The following SPSB4 variants were observed in gnomAD, a reference collection of about 807,000 sequenced individuals.
SPSB4 encodes the protein splA/ryanodine receptor domain and SOCS box containing 4.
A neutral mutation model predicts 20.9 loss-of-function variants in SPSB4; 21 were observed. That is an observed-to-expected ratio of 1.01 (90% CI 0.71 to 1.45). SPSB4 has a LOEUF of 1.45. Ranked by LOEUF, SPSB4 falls within the 40% of genes most tolerant of loss-of-function variation. The pLI, the probability that SPSB4 is intolerant of heterozygous loss-of-function variation, is 0.00. For synonymous variants in SPSB4, 207 were observed against 183.8 expected (o/e 1.13, Z -1.02); for missense variants, 399 against 399.2 (o/e 1.00, Z 0.00).
intron 2 of SPSB4, among the ~76,000 whole-genome samples, chr3:141,120,191 A>C (rs1938944982): frequency 6.6e-6 from 1 of 152,180 alleles, no homozygotes; most frequent in East Asian, 1.9e-4. Flanking sequence ...GTCATTCAGG[A>C]GCAGGTTGTT....
chr3:141,138,915 G>C (rs1215351158), intron 2 of SPSB4, among the ~76,000 whole-genome samples: 1 of 152,126 alleles, frequency 6.6e-6, no homozygotes, highest in African/African-American at 2.4e-5. Flanking sequence ...TCGTTGATCT[G>C]TCTAATGTTG....
At position 141,066,307 on chromosome 3, in the gene SPSB4, A is replaced by G; in HGVS notation, c.203A>G (p.Lys68Arg). Residue 68 changes from lysine to arginine, a missense_variant, in exon 2 of 3, where the codon AAG becomes AGG. Physicochemically the swap from Lys to Arg is conservative, Grantham distance 26 (BLOSUM62 2). Transcript: ENST00000310546. ...PEDRSLNVFV[K>R]DDDRLTFHRH... The stretch of plus-strand genomic sequence containing the variant: ...GACCGCTCGCTCAACGTCTTCGTCA[A>G]GGACGACGACCGGCTCACCTTCCAC... The G allele has an allele frequency of 6.3e-7, 1 of 1,574,868 alleles. No individual in the cohort carries two copies. Among genetic ancestry groups the G allele is most frequent in the East Asian group, 2.4e-5 (1 of 41,976 alleles).
chr3:141,134,049 C>CCTTTTTTTTTTTTTTTTTTTTTTTT (rs1939183965), intron 2 of SPSB4, among the ~76,000 whole-genome samples: 1 of 63,898 alleles, frequency 1.6e-5, no homozygotes, highest in Non-Finnish European at 2.9e-5. Flanking sequence ...TTTTTTTTTT[C>CCTTTTTTTTTTTTTTTTTTTTTTTT]TTTTTTCTTT....
intron 2 of SPSB4, among the ~76,000 whole-genome samples, chr3:141,107,147 G>T (rs147225095): frequency 1.3e-5 from 2 of 152,272 alleles, no homozygotes; most frequent in East Asian, 3.9e-4. Context: ...GTTGGGATGG[G>T]GCAAAGCCTC....
chr3:141,093,186 A>C (rs1165352808), intron 2 of SPSB4, among the ~76,000 whole-genome samples: 4 of 152,112 alleles, frequency 2.6e-5, no homozygotes, highest in Non-Finnish European at 5.9e-5. Flanking sequence ...AGGGAGACGA[A>C]ATGGTTCTCT....
At chr3:141,107,775 G>A (rs1042350397) in intron 2 of SPSB4, among the ~76,000 whole-genome samples, 3 of 152,022 alleles carry the variant, frequency 2.0e-5, no homozygotes, top group African/African-American at 7.2e-5. Context: ...TGGGCAACAT[G>A]GTGAACTTTT....
intron 1 of SPSB4, among the ~76,000 whole-genome samples, chr3:141,053,946 G>T (rs1936138708): frequency 6.6e-6 from 1 of 151,914 alleles, no homozygotes; most frequent in South Asian, 2.1e-4. Context: ...CACCCTCCTA[G>T]CCTTCTTCCT....
rs556731071 is a variant in SPSB4, at chr3:141,140,552, C to T, written c.695-6590C>T. The stretch of plus-strand genomic sequence containing the variant: ...CTTTGTTAGTTTTCCTTCTAACAGA[C>T]AGGACCCTCAGCTGCAGGTCTGTTG... On this transcript the variant is annotated intron_variant, in intron 2 of 2. Coordinates refer to ENST00000310546, the MANE Select transcript of SPSB4 (RefSeq NM_080862.3). 1.5e-4 allele frequency among the ~76,000 whole-genome samples: 23 copies of T among 152,322 alleles called. No homozygotes were observed. The East Asian group carries it at 4.4e-3, about 29-fold the overall frequency.
Position 141,066,313 on chromosome 3 carries a change from A to T in SPSB4, c.209A>T (p.Asp70Val). The T allele has an allele frequency of 6.4e-7, 1 of 1,573,666 alleles. No individual in the cohort carries two copies. The highest frequency in any genetic ancestry group is 1.2e-5 in the South Asian group (1 of 85,626). The change falls in exon 2 of 3, where the codon GAC becomes GTC. Residue 70 changes from aspartate (D) to valine (V), a missense_variant. By Grantham distance (152) the Asp-to-Val change is radical. Coordinates refer to ENST00000310546, the MANE Select transcript of SPSB4 (RefSeq NM_080862.3). ...DRSLNVFVKDDDRLTFHRHPV... is the reference protein window; with the variant it reads ...DRSLNVFVKDVDRLTFHRHPV... ...TCGCTCAACGTCTTCGTCAAGGACG[A>T]CGACCGGCTCACCTTCCACCGGCAC...
intron 2 of SPSB4, among the ~76,000 whole-genome samples, chr3:141,071,800 G>A (rs1938011091): frequency 6.6e-6 from 1 of 152,228 alleles, no homozygotes; most frequent in Admixed American, 6.5e-5. Context: ...CGGAGCCGAG[G>A]AAGCTGTATT....
intron 2 of SPSB4, among the ~76,000 whole-genome samples, chr3:141,132,670 ATT>A (rs1218658214): frequency 1.3e-5 from 2 of 148,790 alleles, no homozygotes; most frequent in African/African-American, 5.0e-5. Flanking sequence ...ATATATATAT[ATT>A]ATCATATTTG....
chr3:141,111,612 T>G (rs1187714505), intron 2 of SPSB4, among the ~76,000 whole-genome samples: 1 of 152,074 alleles, frequency 6.6e-6, no homozygotes, highest in African/African-American at 2.4e-5. Flanking sequence ...CACTCCAGTT[T>G]GCACAGAACC....
At chr3:141,108,584 G>A (rs1938736921) in intron 2 of SPSB4, among the ~76,000 whole-genome samples, 1 of 152,234 alleles carries the variant, frequency 6.6e-6, no homozygotes, top group South Asian at 2.1e-4. Flanking sequence ...TTCTGTGCTA[G>A]GTCCTGGGGT....
At chr3:141,071,660 A>G (rs1352600832) in intron 2 of SPSB4, among the ~76,000 whole-genome samples, 1 of 152,158 alleles carries the variant, frequency 6.6e-6, no homozygotes, top group Non-Finnish European at 1.5e-5. Context: ...AACCTGCCCA[A>G]GCCTGCCCAC....
intron 2 of SPSB4, among the ~76,000 whole-genome samples, chr3:141,144,074 G>A (rs1205600820): frequency 6.6e-6 from 1 of 152,142 alleles, no homozygotes; most frequent in Non-Finnish European, 1.5e-5. Flanking sequence ...GAGCAAACCT[G>A]GATTGGAGGA....
At chr3:141,120,309 A>G (rs1197992509) in intron 2 of SPSB4, among the ~76,000 whole-genome samples, 2 of 152,114 alleles carry the variant, frequency 1.3e-5, no homozygotes, top group Non-Finnish European at 2.9e-5. Context: ...GTTCTTTTGC[A>G]TTTGCTGAGG....
intron 2 of SPSB4, among the ~76,000 whole-genome samples, chr3:141,096,037 T>A (rs989527864): frequency 4.6e-5 from 7 of 151,970 alleles, no homozygotes; most frequent in Non-Finnish European, 1.0e-4. Flanking sequence ...CAACACCAAG[T>A]CCCAGAAAAC....
At chr3:141,109,360 A>G (rs924431469) in intron 2 of SPSB4, among the ~76,000 whole-genome samples, 3 of 152,110 alleles carry the variant, frequency 2.0e-5, no homozygotes, top group East Asian at 1.9e-4. Flanking sequence ...AGACCTTCTC[A>G]TTCCACCCCT....
chr3:141,115,414 A>G (rs1269458376), intron 2 of SPSB4: 1 of 152,240 alleles, frequency 6.6e-6, no homozygotes, highest in Non-Finnish European at 1.5e-5. Context: ...CTAAATTAAA[A>G]CAACACAGAA....
Sources: allele counts gnomAD v4.1 joint callset (sites outside exome capture counted in the v4.1 genomes callset), GRCh38; gene constraint gnomAD v4.1.1; transcripts MANE v1.5; gene names NCBI Gene and HGNC (gene_info 2026-07-23, HGNC 2026-07-21).